CORO2B: variants seen among roughly 807,000 people sequenced by gnomAD.
CORO2B encodes coronin-2B.
In CORO2B, 26 loss-of-function variants were observed where a neutral mutation model predicts 58.8. The ratio of observed to expected loss-of-function variants is 0.44; its 90% CI spans 0.32 to 0.61. CORO2B has a LOEUF of 0.61. Among genes scored for constraint, CORO2B ranks in the 20% least tolerant of loss-of-function variants. The probability of loss-of-function intolerance (pLI) is 0.04; values close to 1 mark genes in which losing one functional copy is unlikely to be tolerated. For synonymous variants in CORO2B, 242 were observed against 253.8 expected (o/e 0.95, Z 0.44); for missense variants, 460 against 645.1 (o/e 0.71, Z 3.11).
intron 11 of CORO2B, among the ~76,000 whole-genome samples, chr15:68,723,277 A>G (rs1442440572): frequency 6.8e-6 from 1 of 147,994 alleles, no homozygotes; most frequent in African/African-American, 2.5e-5. Context: ...ACCCACCACC[A>G]TGCCTGGTTA....
chr15:68,572,076 A>C, the CORO2B span, among the ~76,000 whole-genome samples: 1 of 152,160 alleles, frequency 6.6e-6, no homozygotes, highest in African/African-American at 2.4e-5. Flanking sequence ...GCATCTGGGA[A>C]GGGGCTGTGG....
intron 2 of CORO2B, among the ~76,000 whole-genome samples, chr15:68,652,707 C>G (rs550509580): frequency 1.4e-4 from 21 of 152,300 alleles, no homozygotes; most frequent in African/African-American, 3.6e-4. Flanking sequence ...CTGTTTGAAT[C>G]TCACCTCAAG....
At chr15:68,605,400 G>A (rs911637694) in intron 1 of CORO2B, among the ~76,000 whole-genome samples, 1 of 152,106 alleles carries the variant, frequency 6.6e-6, no homozygotes, top group Admixed American at 6.5e-5. Context: ...GCTCATCACG[G>A]CATTATTTAT....
chr15:68,531,591 AAAG>A, the CORO2B span, among the ~76,000 whole-genome samples: 1 of 149,654 alleles, frequency 6.7e-6, no homozygotes, highest in Non-Finnish European at 1.5e-5. Context: ...AAAGAGAAAG[AAAG>A]AAGGAAGGAA....
At chr15:68,697,134 A>C (rs531723135) in intron 3 of CORO2B, among the ~76,000 whole-genome samples, 1 of 151,716 alleles carries the variant, frequency 6.6e-6, no homozygotes, top group African/African-American at 2.4e-5. Context: ...GGATGGATGG[A>C]TGGATGGATT....
In CORO2B at chr15:68,726,195, T is replaced by A. The variant is rs1033919402; in HGVS notation, c.*221T>A. ...CTGGAGACCCCCTGCCGGCAGCCCC[T>A]TTCCCTGCCACCCCAGGAGCCAGGC... On this transcript the variant is annotated 3_prime_UTR_variant, in exon 12 of 12. Transcript: ENST00000261861. The A allele has an allele frequency of 1.2e-4, 65 of 529,628 alleles. No individual in the cohort carries two copies. Among genetic ancestry groups the A allele is most frequent in the African/African-American group, 1.1e-3 (56 of 50,382 alleles). The allele number at this position is 529,628 out of a possible 1,614,324, so 32.8% of individuals were successfully genotyped here. A position where few individuals can be genotyped will look rare whatever the true frequency, so the allele number is the denominator to read the frequency against.
the CORO2B span, among the ~76,000 whole-genome samples, chr15:68,566,705 G>A: frequency 6.6e-6 from 1 of 152,244 alleles, no homozygotes; most frequent in Admixed American, 6.5e-5. Flanking sequence ...TCCCTGGCCT[G>A]GAATTTGGAG....
At chr15:68,612,057 C>T (rs1900260960) in intron 1 of CORO2B, among the ~76,000 whole-genome samples, 1 of 152,220 alleles carries the variant, frequency 6.6e-6, no homozygotes, top group South Asian at 2.1e-4. Context: ...AGGCAGGAGC[C>T]ACTGCACCCG....
chr15:68,609,463 A>C (rs1021472868), intron 1 of CORO2B, among the ~76,000 whole-genome samples: 2 of 152,160 alleles, frequency 1.3e-5, no homozygotes, highest in African/African-American at 4.8e-5. Flanking sequence ...CACATCAAGC[A>C]TCTAGGTGTG....
rs563984957 is a variant in CORO2B at position 68,635,498 on chromosome 15, G to A, written c.16-9662G>A. On this transcript the variant is annotated intron_variant, in intron 1 of 11. Coordinates refer to ENST00000261861, the MANE Select transcript of CORO2B (RefSeq NM_006091.5). Reference sequence around the variant, plus strand: ...GGGATCTGCCTGCAGGGGAGGGGTGGCAGCACCAGATTCTACCACCCCCAG... The same window carrying A: ...GGGATCTGCCTGCAGGGGAGGGGTGACAGCACCAGATTCTACCACCCCCAG... 5.1e-3 allele frequency among the ~76,000 whole-genome samples: 782 copies of A among 152,266 alleles called. 10 individuals are homozygous for A. Among genetic ancestry groups the A allele is most frequent in the Non-Finnish European group, 4.9e-3 (335 of 68,008 alleles).
At chr15:68,628,914 G>T (rs745493216) in intron 1 of CORO2B, among the ~76,000 whole-genome samples, 1 of 152,234 alleles carries the variant, frequency 6.6e-6, no homozygotes, top group Non-Finnish European at 1.5e-5. Context: ...GCTGGGGAAA[G>T]GGCAGGATGA....
At chr15:68,692,967 T>G (rs936676307) in intron 2 of CORO2B, among the ~76,000 whole-genome samples, 1 of 152,040 alleles carries the variant, frequency 6.6e-6, no homozygotes, top group Non-Finnish European at 1.5e-5. Flanking sequence ...CAAAAGTAAT[T>G]TAAAATATAT....
intron 2 of CORO2B, among the ~76,000 whole-genome samples, chr15:68,675,268 TGTCA>T (rs1306572127): frequency 1.3e-5 from 2 of 152,232 alleles, no homozygotes; most frequent in African/African-American, 4.8e-5. Flanking sequence ...CCCATTTTGC[TGTCA>T]GTCATTCATG....
chr15:68,559,927 C>T, the CORO2B span, among the ~76,000 whole-genome samples: 34 of 152,204 alleles, frequency 2.2e-4, no homozygotes, highest in African/African-American at 8.2e-4. This position sits in a 1 kb window ranked among gnomAD's most constrained non-coding sequence, Gnocchi z 4.3. Context: ...GCTGAGATGG[C>T]GTTAGGAGTG....
intron 8 of CORO2B, 126 bp from the exon 9 acceptor site, chr15:68,718,572 C>A: frequency 1.3e-6 from 1 of 766,040 alleles, no homozygotes; most frequent in Non-Finnish European, 2.2e-6. Flanking sequence ...CTGCCCTCTG[C>A]ATGGGCCGTT....
chr15:68,590,458 C>T (rs923254241), intron 1 of CORO2B, among the ~76,000 whole-genome samples: 1 of 152,112 alleles, frequency 6.6e-6, no homozygotes, highest in Non-Finnish European at 1.5e-5. Flanking sequence ...GAGAGGATGG[C>T]CTGCCCTGCT....
chr15:68,698,259 C>T (rs1400292823), intron 3 of CORO2B, among the ~76,000 whole-genome samples: 2 of 152,210 alleles, frequency 1.3e-5, no homozygotes, highest in Non-Finnish European at 2.9e-5. Flanking sequence ...TGGCTCATGT[C>T]TTACCCAGGG....
At chr15:68,552,897 G>A in the CORO2B span, among the ~76,000 whole-genome samples, 1 of 152,230 alleles carries the variant, frequency 6.6e-6, no homozygotes, top group African/African-American at 2.4e-5. Flanking sequence ...CGTAGTGGTT[G>A]CAGAGAATGC....
the CORO2B span, among the ~76,000 whole-genome samples, chr15:68,521,642 C>G: frequency 6.6e-6 from 1 of 152,072 alleles, no homozygotes; most frequent in African/African-American, 2.4e-5. Flanking sequence ...CCTAGATTGT[C>G]AATTATTTTT....
Sources: gnomAD v4.1 joint callset for allele counts (sites outside exome capture counted in the v4.1 genomes callset) on GRCh38, gnomAD v4.1.1 for gene constraint, Gnocchi (gnomAD v3.1) non-coding constraint, MANE v1.5 for transcripts, NCBI Gene and HGNC (gene_info 2026-07-23, HGNC 2026-07-21) for gene names.